The following ASXL3 variants were observed in gnomAD, a reference collection of about 807,000 sequenced individuals.
ASXL3 encodes ASXL transcriptional regulator 3, also known as putative Polycomb group protein ASXL3.
ASXL3 carries 34 observed loss-of-function variants against 170.6 expected under a neutral mutation model. That is an observed-to-expected ratio of 0.20 (90% CI 0.15 to 0.27). The LOEUF is 0.27. Ranked by LOEUF, ASXL3 falls within the 10% of genes least tolerant of loss-of-function variation. The pLI is 1.00. For synonymous variants in ASXL3, 1,002 were observed against 989.1 expected (o/e 1.01, Z -0.24); for missense variants, 2,592 against 2,695.3 (o/e 0.96, Z 0.85).
At chr18:33,742,586 G>A (rs1034011210) in intron 11 of ASXL3, among the ~76,000 whole-genome samples, 1 of 152,106 alleles carries the variant, frequency 6.6e-6, no homozygotes, top group Non-Finnish European at 1.5e-5. Context: ...TACACTTCTA[G>A]AAGCATGAAT....
intron 2 of ASXL3, among the ~76,000 whole-genome samples, chr18:33,639,887 A>G (rs2065820942): frequency 6.6e-6 from 1 of 152,208 alleles, no homozygotes; most frequent in Non-Finnish European, 1.5e-5. Context: ...ATTAAAGTGT[A>G]CAACATATAT....
intron 2 of ASXL3, chr18:33,616,703 T>G (rs944337731): frequency 2.6e-5 from 4 of 152,122 alleles, no homozygotes; most frequent in Non-Finnish European, 5.9e-5. Flanking sequence ...AAGCCCAGAT[T>G]AAGGTTGGCA....
chr18:33,691,070 CAGAAGAGGGAAG>C (rs757201569), intron 8 of ASXL3, among the ~76,000 whole-genome samples: 2 of 152,144 alleles, frequency 1.3e-5, no homozygotes, highest in Non-Finnish European at 2.9e-5. Context: ...CCTAGATGTT[CAGAAGAGGGAAG>C]AGAAGGCTGT....
intron 4 of ASXL3, among the ~76,000 whole-genome samples, chr18:33,648,282 G>T (rs1394037385): frequency 6.6e-6 from 1 of 152,102 alleles, no homozygotes; most frequent in African/African-American, 2.4e-5. Context: ...GAGAGGTGTT[G>T]TTGATTTGAA....
chr18:33,739,672 C>T lies in ASXL3; in HGVS notation c.2268C>T (p.Ser756=), dbSNP rs759015133. 1 of 1,613,840 alleles carries T rather than the reference C, an allele frequency of 6.2e-7. No homozygotes were observed. The highest frequency in any genetic ancestry group is 8.5e-7 in the Non-Finnish European group (1 of 1,179,836). ...LPLPSETSPI[S]NSSINERMAH... ...TTCCTTCAGAAACATCTCCAATTTC[C>T]AACTCTTCCATAAATGAGAGAATGG... The change falls in exon 11 of 12, where the codon TCC becomes TCT. Residue 756 remains serine, a synonymous_variant. Transcript: ENST00000269197.
At chr18:33,697,386 G>A (rs998604317) in intron 8 of ASXL3, among the ~76,000 whole-genome samples, 1 of 152,086 alleles carries the variant, frequency 6.6e-6, no homozygotes, top group Non-Finnish European at 1.5e-5. Flanking sequence ...ATTAGAAGTA[G>A]TGAACATGCA....
chr18:33,667,878 G>A (rs1359222906), intron 5 of ASXL3, among the ~76,000 whole-genome samples: 1 of 152,076 alleles, frequency 6.6e-6, no homozygotes, highest in Non-Finnish European at 1.5e-5. Context: ...TGCTACCATA[G>A]AACTGAATAA....
At position 33,744,054 on chromosome 18, in the gene ASXL3, G is replaced by A. The variant is rs370800117; in HGVS notation, c.4206G>A (p.Ala1402=). 5.6e-5 allele frequency: 90 copies of A among 1,613,962 alleles called. No homozygotes were observed. In the African/African-American group the frequency reaches 8.3e-4, roughly 15 times the overall value. The change falls in exon 12 of 12, where the codon GCG becomes GCA. Residue 1402 remains alanine (A), a synonymous_variant. Coordinates refer to ENST00000269197, the MANE Select transcript of ASXL3 (RefSeq NM_030632.3). The part of the protein sequence containing the change: ...RAALSCSDSV[A]VTDSLVAHPT... Reference sequence around the variant, plus strand: ...CCCTCAGCTGCAGTGATTCTGTAGCGGTCACAGACTCTCTGGTTGCACACC... The same window carrying A: ...CCCTCAGCTGCAGTGATTCTGTAGCAGTCACAGACTCTCTGGTTGCACACC...
At chr18:33,655,218 G>A (rs2066063761) in intron 4 of ASXL3, among the ~76,000 whole-genome samples, 1 of 151,956 alleles carries the variant, frequency 6.6e-6, no homozygotes, top group African/African-American at 2.4e-5. Context: ...ATTATTATCT[G>A]ATTCAACATT....
intron 4 of ASXL3, among the ~76,000 whole-genome samples, chr18:33,658,559 A>G (rs1284103166): frequency 6.6e-6 from 1 of 152,104 alleles, no homozygotes; most frequent in African/African-American, 2.4e-5. Context: ...TGTCCTACCC[A>G]TTTTTTCTTT....
Position 33,578,490 on chromosome 18 carries a change from CG to C in ASXL3, c.-141del. On this transcript the variant is annotated 5_prime_UTR_variant, in exon 1 of 12. Transcript: ENST00000269197. ...CCGCCGCCGCCGCCGCCGCCGCCGCCGCCGCCGCCACCGCCCGCGCGCCTCC... is the reference window on the plus strand; with the variant it reads ...CCGCCGCCGCCGCCGCCGCCGCCGCCCCGCCGCCACCGCCCGCGCGCCTCC... 3.2e-6 allele frequency: 1 copy of C among 311,642 alleles called. No homozygotes were observed. The highest frequency in any genetic ancestry group is 5.0e-6 in the Non-Finnish European group (1 of 200,880). 19.3% of individuals were successfully genotyped at this position (311,642 alleles called of 1,614,324 possible).
At chr18:33,675,700 C>A (rs2066414212) in intron 7 of ASXL3, among the ~76,000 whole-genome samples, 1 of 152,030 alleles carries the variant, frequency 6.6e-6, no homozygotes, top group South Asian at 2.1e-4. Context: ...TGTGCAAGGC[C>A]TGAGTTTCAC....
At chr18:33,629,276 A>G (rs2065643646) in intron 2 of ASXL3, among the ~76,000 whole-genome samples, 1 of 152,168 alleles carries the variant, frequency 6.6e-6, no homozygotes, top group African/African-American at 2.4e-5. Context: ...AGGTGTATCC[A>G]GAAACTATTT....
At position 33,676,217 on chromosome 18, in the gene ASXL3, C is replaced by T. The variant is rs182202650; in HGVS notation, c.715+4351C>T. Among the ~76,000 whole-genome samples, 130 of 41,030 alleles carry T rather than the reference C, an allele frequency of 3.2e-3. 1 individual carries two copies. The highest frequency in any genetic ancestry group is 0.014 in the East Asian group (4 of 286). 26.9% of individuals were successfully genotyped at this position (41,030 alleles called of 152,430 possible). ...CCAGCCTGGGTGACGAGCGAGACTC[C>T]GTCTCAAAAAAAAAAAAAAAAAAAA... On this transcript the variant is annotated intron_variant, in intron 7 of 11. Coordinates refer to ENST00000269197, the MANE Select transcript of ASXL3 (RefSeq NM_030632.3).
intron 8 of ASXL3, among the ~76,000 whole-genome samples, chr18:33,694,071 T>A (rs2066733309): frequency 6.6e-6 from 1 of 152,134 alleles, no homozygotes; most frequent in African/African-American, 2.4e-5. Context: ...GACCACAGCA[T>A]TTTGGCTCAG....
chr18:33,628,448 A>C (rs2065631811), intron 2 of ASXL3, among the ~76,000 whole-genome samples: 1 of 152,308 alleles, frequency 6.6e-6, no homozygotes, highest in East Asian at 1.9e-4. Context: ...AAATTTCCAG[A>C]GTTTTCCTCA....
chr18:33,613,002 C>G (rs1485448960), intron 2 of ASXL3, among the ~76,000 whole-genome samples: 3 of 151,994 alleles, frequency 2.0e-5, no homozygotes, highest in Admixed American at 6.6e-5. Flanking sequence ...GCACAGTCAG[C>G]TACTTAGAGA....
At chr18:33,590,348 A>G (rs996551325) in intron 1 of ASXL3, among the ~76,000 whole-genome samples, 1 of 152,020 alleles carries the variant, frequency 6.6e-6, no homozygotes, top group Non-Finnish European at 1.5e-5. Context: ...TGCTTGGCTG[A>G]TATGCCCATT....
chr18:33,688,790 T>C (rs573695101), intron 8 of ASXL3, among the ~76,000 whole-genome samples: 1 of 152,312 alleles, frequency 6.6e-6, no homozygotes, highest in South Asian at 2.1e-4. Context: ...TTCAGTCTTC[T>C]TTGTGCTGCT....
Sources: gnomAD v4.1 joint callset for allele counts (sites outside exome capture counted in the v4.1 genomes callset) on GRCh38, gnomAD v4.1.1 for gene constraint, MANE v1.5 for transcripts, NCBI Gene and HGNC (gene_info 2026-07-23, HGNC 2026-07-21) for gene names.